Variants in PTPRR observed in about 807,000 individuals in gnomAD.
PTPRR encodes the protein receptor-type tyrosine-protein phosphatase R.
In PTPRR, 38 loss-of-function variants were observed where a neutral mutation model predicts 77.2. The observed-to-expected ratio is 0.49, with a 90% CI of 0.38 to 0.65. The LOEUF is 0.65. PTPRR is among the 30% of genes least tolerant of loss of function. The pLI is 0.00. For synonymous variants in PTPRR, 299 were observed against 283.1 expected (o/e 1.06, Z -0.57); for missense variants, 744 against 799.2 (o/e 0.93, Z 0.83).
At chr12:70,713,913 C>T (rs1185552927) in intron 6 of PTPRR, among the ~76,000 whole-genome samples, 1 of 152,062 alleles carries the variant, frequency 6.6e-6, no homozygotes. Flanking sequence ...GGTATTTGGT[C>T]AAACCTTATT....
chr12:70,643,997 C>T (rs1416198641), intron 13 of PTPRR, among the ~76,000 whole-genome samples: 1 of 152,080 alleles, frequency 6.6e-6, no homozygotes, highest in Non-Finnish European at 1.5e-5. Flanking sequence ...AAACATAACC[C>T]CAGCCAATCA....
chr12:70,754,207 A>G lies in PTPRR; in HGVS notation c.722T>C (p.Ile241Thr), dbSNP rs1197040603. 24 of 1,613,294 alleles carry G rather than the reference A, an allele frequency of 1.5e-5. No homozygotes were observed. Among genetic ancestry groups the G allele is most frequent in the East Asian group, 2.2e-5 (1 of 44,882 alleles). ...CAAACTTACCATCAAACACGTTACT[A>G]TAATAACAAAGATGCTGAGAAAAAT... ...VVIFLSIFVI[I>T]VTCLMILYRL... The change falls in exon 5 of 14, where the codon ATA becomes ACA. Residue 241 changes from isoleucine (I) to threonine (T), a missense_variant. Ile to Thr is a moderately conservative substitution (Grantham distance 89). This residue lies in a region of PTPRR where 570 missense variants were observed against 573.2 expected (regional missense o/e 0.99). Coordinates refer to ENST00000283228, the MANE Select transcript of PTPRR (RefSeq NM_002849.4).
At chr12:70,742,158 T>C (rs1355702) in intron 6 of PTPRR, among the ~76,000 whole-genome samples, 5,271 of 152,208 alleles carry the variant, frequency 0.035, 318 homozygotes, top group African/African-American at 0.12. Context: ...TCAAGGCAGA[T>C]AGGGGCCTTA....
intron 6 of PTPRR, among the ~76,000 whole-genome samples, chr12:70,728,555 A>ATATG (rs1889540513): frequency 7.4e-6 from 1 of 134,942 alleles, no homozygotes; most frequent in Admixed American, 7.4e-5. Flanking sequence ...ATATATATAT[A>ATATG]TATATATATG....
intron 8 of PTPRR, among the ~76,000 whole-genome samples, chr12:70,689,639 C>A (rs1347063940): frequency 6.6e-6 from 1 of 152,118 alleles, no homozygotes; most frequent in Non-Finnish European, 1.5e-5. Context: ...GGAGGAGAAG[C>A]CACAGTGGAG....
intron 10 of PTPRR, among the ~76,000 whole-genome samples, chr12:70,675,893 T>G (rs1170693335): frequency 1.4e-5 from 2 of 139,158 alleles, no homozygotes; most frequent in African/African-American, 5.8e-5. Flanking sequence ...TAGAAAAGCC[T>G]TTTTTTTTTT....
rs536184799 is a variant in PTPRR at position 70,800,827 on chromosome 12, G to A, written c.358-36049C>T. 2.2e-4 allele frequency among the ~76,000 whole-genome samples: 34 copies of A among 151,930 alleles called. 2 individuals are homozygous for A. In the South Asian group the frequency reaches 6.0e-3, roughly 27 times the overall value. Reference sequence around the variant, plus strand: ...GGAGAATCGCTTGAACCCGGGTGGCGGAGGTTGTAGTGAGCTGAGATCGCA... The same window carrying A: ...GGAGAATCGCTTGAACCCGGGTGGCAGAGGTTGTAGTGAGCTGAGATCGCA... On this transcript the variant is annotated intron_variant, in intron 2 of 13. Coordinates refer to ENST00000283228, the MANE Select transcript of PTPRR (RefSeq NM_002849.4).
intron 13 of PTPRR, among the ~76,000 whole-genome samples, chr12:70,650,186 C>T (rs988959874): frequency 4.0e-5 from 6 of 151,292 alleles, no homozygotes. Context: ...CTCATGCCTG[C>T]AGTCCCAGCA....
chr12:70,832,700 A>G (rs2470378), intron 2 of PTPRR, among the ~76,000 whole-genome samples: 52,956 of 152,084 alleles, frequency 0.35, 12,546 homozygotes, highest in African/African-American at 0.68. Context: ...GAACATGGGC[A>G]GTGTGTTAGT....
intron 1 of PTPRR, among the ~76,000 whole-genome samples, chr12:70,905,084 TAGG>T (rs57656424): frequency 0.23 from 34,075 of 151,368 alleles, 4,478 homozygotes; most frequent in South Asian, 0.39. Context: ...CCCCAGAAGA[TAGG>T]AGGAGAGAGG....
chr12:70,919,132 T>C (rs945513107), intron 1 of PTPRR, among the ~76,000 whole-genome samples: 1 of 152,234 alleles, frequency 6.6e-6, no homozygotes, highest in African/African-American at 2.4e-5. Flanking sequence ...ATTTCACTCC[T>C]ACTATTGTAC....
At chr12:70,762,425 T>A (rs1224597500) in intron 3 of PTPRR, among the ~76,000 whole-genome samples, 2 of 152,206 alleles carry the variant, frequency 1.3e-5, no homozygotes, top group African/African-American at 4.8e-5. Context: ...AGAGCTCTCA[T>A]GCTAGAAAGT....
chr12:70,766,777 A>T (rs1156988272), intron 2 of PTPRR, among the ~76,000 whole-genome samples: 3 of 152,158 alleles, frequency 2.0e-5, no homozygotes, highest in Non-Finnish European at 4.4e-5. Flanking sequence ...AGGTCGGGTT[A>T]CCCACAACGG....
At chr12:70,703,511 A>G (rs1397802195) in intron 6 of PTPRR, among the ~76,000 whole-genome samples, 2 of 152,210 alleles carry the variant, frequency 1.3e-5, no homozygotes, top group African/African-American at 4.8e-5. Flanking sequence ...AGAGCAAAGA[A>G]TGGTTCTACT....
chr12:70,881,832 G>T (rs1392106085), intron 2 of PTPRR, among the ~76,000 whole-genome samples: 1 of 152,206 alleles, frequency 6.6e-6, no homozygotes, highest in East Asian at 1.9e-4. Flanking sequence ...CTGACACAAT[G>T]AATAGATTCA....
rs558435015 is a variant in PTPRR, at chr12:70,883,648, A to G, written c.357+9031T>C. Among the ~76,000 whole-genome samples, 12 of 152,268 alleles carry G rather than the reference A, an allele frequency of 7.9e-5. No homozygotes were observed. The South Asian group carries it at 2.5e-3, about 32-fold the overall frequency. ...CTTTTCATTTTTTGAGTTTTTTTAA[A>G]TGTCAGTAGAAACCGTGTTACTTTA... On this transcript the variant is annotated intron_variant, in intron 2 of 13. Transcript: ENST00000283228.
chr12:70,892,157 T>C (rs1893348962), intron 2 of PTPRR, among the ~76,000 whole-genome samples: 1 of 152,078 alleles, frequency 6.6e-6, no homozygotes, highest in Non-Finnish European at 1.5e-5. Context: ...ATATCAAAAA[T>C]GTTATCTATC....
intron 2 of PTPRR, among the ~76,000 whole-genome samples, chr12:70,773,178 G>A (rs894869306): frequency 1.3e-5 from 2 of 152,002 alleles, no homozygotes; most frequent in African/African-American, 2.4e-5. Flanking sequence ...TGGATTAGGA[G>A]CCCACCCTAC....
At chr12:70,786,629 T>C (rs918585535) in intron 2 of PTPRR, among the ~76,000 whole-genome samples, 24 of 152,102 alleles carry the variant, frequency 1.6e-4, no homozygotes, top group African/African-American at 5.8e-4. Context: ...ATCACAAGAG[T>C]AGTTTGAAGT....
Sources: gnomAD v4.1 joint callset for allele counts (sites outside exome capture counted in the v4.1 genomes callset) on GRCh38, gnomAD v4.1.1 for gene constraint, gnomAD v4.1.1 regional missense constraint, MANE v1.5 for transcripts, NCBI Gene and HGNC (gene_info 2026-07-23, HGNC 2026-07-21) for gene names.